The following MCU variants were observed in gnomAD, a reference collection of about 807,000 sequenced individuals.
MCU encodes the protein mitochondrial calcium uniporter.
MCU carries 12 observed loss-of-function variants against 45.2 expected under a neutral mutation model. The observed-to-expected ratio is 0.27, with a 90% confidence interval of 0.17 to 0.43. The LOEUF is 0.43. Among genes scored for constraint, MCU ranks in the 20% least tolerant of loss-of-function variants. MCU has a pLI of 1.00. For missense variants in MCU, 324 were observed against 436.7 expected (o/e 0.74, Z 2.30); for synonymous variants, 160 against 165.1 (o/e 0.97, Z 0.24).
At chr10:72,784,139 C>G (rs1315956439) in intron 1 of MCU, among the ~76,000 whole-genome samples, 3 of 152,210 alleles carry the variant, frequency 2.0e-5, no homozygotes, top group Non-Finnish European at 4.4e-5. Context: ...GCCCACTTAC[C>G]TGGATCTCTC....
chr10:72,716,653 G>A (rs968803347), intron 1 of MCU, among the ~76,000 whole-genome samples: 1 of 152,016 alleles, frequency 6.6e-6, no homozygotes, highest in African/African-American at 2.4e-5. Flanking sequence ...GGAGGCCGAG[G>A]TGTGAGGATC....
chr10:72,751,050 G>C (rs1345118574), intron 1 of MCU, among the ~76,000 whole-genome samples: 1 of 152,078 alleles, frequency 6.6e-6, no homozygotes, highest in Non-Finnish European at 1.5e-5. Flanking sequence ...GCCCAGGCTG[G>C]AATGCAGTGG....
At chr10:72,872,277 C>G (rs569573566) in intron 6 of MCU, among the ~76,000 whole-genome samples, 24 of 151,814 alleles carry the variant, frequency 1.6e-4, no homozygotes, top group Non-Finnish European at 2.2e-4. Context: ...GGGGACATTC[C>G]AAATCCTTTC....
At chr10:72,867,503 C>T (rs1589504655) in intron 4 of MCU, among the ~76,000 whole-genome samples, 1 of 152,178 alleles carries the variant, frequency 6.6e-6, no homozygotes, top group East Asian at 1.9e-4. Flanking sequence ...CTCTGTCTTT[C>T]ATCAACAGGA....
At chr10:72,781,281 A>G (rs971899480) in intron 1 of MCU, among the ~76,000 whole-genome samples, 3 of 152,258 alleles carry the variant, frequency 2.0e-5, no homozygotes, top group African/African-American at 7.2e-5. Context: ...GTTTAGATGT[A>G]TAAGCTAATC....
At chr10:72,819,878 A>G (rs1320560760) in intron 1 of MCU, among the ~76,000 whole-genome samples, 1 of 152,118 alleles carries the variant, frequency 6.6e-6, no homozygotes, top group African/African-American at 2.4e-5. Flanking sequence ...ATAGTAGTAT[A>G]TAGTTAAATT....
At chr10:72,808,665 G>A (rs933806620) in intron 1 of MCU, among the ~76,000 whole-genome samples, 3 of 152,218 alleles carry the variant, frequency 2.0e-5, no homozygotes, top group Admixed American at 2.0e-4. Context: ...AAGAGGTTTA[G>A]TTGACTCACA....
In MCU at chr10:72,834,308, A is replaced by G. The variant is rs761197432; in HGVS notation, c.151-51A>G. The G allele has an allele frequency of 9.8e-6, 13 of 1,319,912 alleles. No homozygotes were observed. In the East Asian group the frequency reaches 2.5e-4, roughly 26 times the overall value. 81.8% of individuals were successfully genotyped at this position (1,319,912 alleles called of 1,614,324 possible). A position where few individuals can be genotyped will look rare whatever the true frequency, so the allele number is the denominator to read the frequency against. ...ATTTATTATATACACACACATAAGT[A>G]TATGTTTGTTGTTCCATTCTGACAG... On this transcript the variant is annotated intron_variant, in intron 1 of 7. Transcript: ENST00000373053.
intron 1 of MCU, among the ~76,000 whole-genome samples, chr10:72,768,358 A>G (rs919321482): frequency 5.9e-5 from 9 of 152,192 alleles, no homozygotes; most frequent in Admixed American, 3.3e-4. Context: ...GCTTCTGGAA[A>G]TTTATTTCTT....
intron 1 of MCU, among the ~76,000 whole-genome samples, chr10:72,719,469 A>G (rs1160743698): frequency 1.3e-5 from 2 of 152,226 alleles, no homozygotes; most frequent in African/African-American, 2.4e-5. Flanking sequence ...ACAGTAAAGA[A>G]TGATCGGTCA....
At chr10:72,815,729 C>G (rs570020371) in intron 1 of MCU, among the ~76,000 whole-genome samples, 2 of 152,110 alleles carry the variant, frequency 1.3e-5, no homozygotes, top group Admixed American at 1.3e-4. Context: ...CAGATTACAT[C>G]GTGATAAAAA....
At chr10:72,779,348 T>C (rs1461295885) in intron 1 of MCU, among the ~76,000 whole-genome samples, 2 of 152,206 alleles carry the variant, frequency 1.3e-5, no homozygotes, top group African/African-American at 4.8e-5. Flanking sequence ...ACAACAGGTG[T>C]AAACCTTCAT....
chr10:72,819,112 T>C (rs956620416), intron 1 of MCU, among the ~76,000 whole-genome samples: 2 of 152,176 alleles, frequency 1.3e-5, no homozygotes, highest in Non-Finnish European at 2.9e-5. Flanking sequence ...CCATGAAGAA[T>C]GGTGTCTGGA....
intron 1 of MCU, among the ~76,000 whole-genome samples, chr10:72,804,098 A>T (rs1405639464): frequency 9.6e-5 from 9 of 93,342 alleles, no homozygotes; most frequent in Admixed American, 4.0e-4. Context: ...AACAATTTAC[A>T]TTTTTTTTTT....
rs552142233 is a variant in MCU at position 72,733,241 on chromosome 10, G to A, written c.150+40940G>A. ...TGGGATGCTGAGGCGGGTGGATCAC[G>A]GGGTCAGGAGTTCAAGACCAGCCTG... On this transcript the variant is annotated intron_variant, in intron 1 of 7. Coordinates refer to ENST00000373053, the MANE Select transcript of MCU (RefSeq NM_138357.3). Among the ~76,000 whole-genome samples the A allele has an allele frequency of 2.4e-3, 373 of 152,286 alleles. 1 individual carries two copies. Among genetic ancestry groups the A allele is most frequent in the African/African-American group, 8.3e-3 (346 of 41,560 alleles).
intron 1 of MCU, among the ~76,000 whole-genome samples, chr10:72,701,660 G>T (rs969257429): frequency 6.6e-6 from 1 of 152,018 alleles, no homozygotes; most frequent in African/African-American, 2.4e-5. Context: ...CCGAGTAGCT[G>T]GGACTACAGG....
intron 1 of MCU, among the ~76,000 whole-genome samples, chr10:72,770,486 T>C (rs2132735608): frequency 6.6e-6 from 1 of 152,250 alleles, no homozygotes; most frequent in Middle Eastern, 3.4e-3. Context: ...CTATTACATT[T>C]TCTCAGTGCT....
intron 1 of MCU, among the ~76,000 whole-genome samples, chr10:72,776,170 T>TAA (rs1005657745): frequency 2.8e-5 from 4 of 141,904 alleles, no homozygotes; most frequent in Admixed American, 1.4e-4. Flanking sequence ...CCCTATCTCT[T>TAA]AAAAAAAAAA....
intron 1 of MCU, among the ~76,000 whole-genome samples, chr10:72,822,518 T>C (rs1357346949): frequency 1.3e-5 from 2 of 152,194 alleles, no homozygotes; most frequent in Non-Finnish European, 2.9e-5. Flanking sequence ...GACAACCCAG[T>C]GTAAAAATGG....
Sources: allele counts gnomAD v4.1 joint callset (sites outside exome capture counted in the v4.1 genomes callset), GRCh38; gene constraint gnomAD v4.1.1; transcripts MANE v1.5; gene names NCBI Gene and HGNC (gene_info 2026-07-23, HGNC 2026-07-21).